MALT1: variants seen among roughly 807,000 people sequenced by gnomAD.
The protein encoded by MALT1 is mucosa-associated lymphoid tissue lymphoma translocation protein 1.
Under a neutral mutation model 85.5 loss-of-function variants are expected in MALT1, and 36 were observed. The ratio of observed to expected loss-of-function variants is 0.42; its 90% confidence interval spans 0.32 to 0.56. MALT1 has a LOEUF of 0.56. MALT1 is among the 20% of genes least tolerant of loss of function. The pLI, the probability that MALT1 is intolerant of heterozygous loss-of-function variation, is 0.10. For missense variants in MALT1, 716 were observed against 981.6 expected (o/e 0.73, Z 3.62); for synonymous variants, 359 against 361.3 (o/e 0.99, Z 0.07).
At chr18:58,727,837 G>C (rs2055086330) in intron 10 of MALT1, among the ~76,000 whole-genome samples, 1 of 152,096 alleles carries the variant, frequency 6.6e-6, no homozygotes, top group African/African-American at 2.4e-5. Flanking sequence ...AGGCATTTCA[G>C]TTTGGGTGAG....
chr18:58,738,481 A>G (rs924169679), intron 13 of MALT1, among the ~76,000 whole-genome samples: 1 of 152,206 alleles, frequency 6.6e-6, no homozygotes, highest in African/African-American at 2.4e-5. Flanking sequence ...ATATGTATGC[A>G]TGAATTTCTT....
chr18:58,742,535 C>T (rs894003262), intron 14 of MALT1, among the ~76,000 whole-genome samples: 1 of 152,052 alleles, frequency 6.6e-6, no homozygotes, highest in Admixed American at 6.5e-5. Context: ...GGCAAAACCT[C>T]GTCTCTACTA....
chr18:58,706,975 A>T (rs947907844), intron 4 of MALT1, among the ~76,000 whole-genome samples: 1 of 152,086 alleles, frequency 6.6e-6, no homozygotes, highest in East Asian at 1.9e-4. Context: ...ACTCTTAATT[A>T]TATGTATGTT....
At chr18:58,727,771 C>T (rs1273077325) in intron 10 of MALT1, among the ~76,000 whole-genome samples, 2 of 152,194 alleles carry the variant, frequency 1.3e-5, no homozygotes, top group East Asian at 3.9e-4. Flanking sequence ...GAGACAGTAT[C>T]ATATAGCACA....
chr18:58,737,829 G>A (rs1250381674), intron 13 of MALT1, among the ~76,000 whole-genome samples: 3 of 151,944 alleles, frequency 2.0e-5, no homozygotes, highest in Admixed American at 6.6e-5. Context: ...GTGATCCACC[G>A]GCCTCAGCCT....
At chr18:58,698,527 A>G (rs2054627680) in intron 3 of MALT1, among the ~76,000 whole-genome samples, 1 of 152,196 alleles carries the variant, frequency 6.6e-6, no homozygotes, top group Non-Finnish European at 1.5e-5. Context: ...GAGAGAGTCA[A>G]CTAAGCTGAC....
At chr18:58,680,501 A>T (rs1296533965) in intron 1 of MALT1, among the ~76,000 whole-genome samples, 2 of 152,058 alleles carry the variant, frequency 1.3e-5, no homozygotes, top group African/African-American at 4.8e-5. Flanking sequence ...TATCCGCTTC[A>T]TTTGGGGTCA....
At chr18:58,684,604 G>A (rs1253696453) in intron 2 of MALT1, among the ~76,000 whole-genome samples, 14 of 151,782 alleles carry the variant, frequency 9.2e-5, no homozygotes, top group Admixed American at 6.6e-4. Flanking sequence ...GTGCCACCAC[G>A]CCCAGCTAAT....
intron 1 of MALT1, among the ~76,000 whole-genome samples, chr18:58,678,478 CAT>C (rs1207750920): frequency 6.6e-6 from 1 of 151,994 alleles, no homozygotes; most frequent in African/African-American, 2.4e-5. Flanking sequence ...TATACACACA[CAT>C]ATATGTTTAA....
At chr18:58,692,437 ACTCTCTCC>A (rs1568129437) in intron 2 of MALT1, among the ~76,000 whole-genome samples, 5 of 41,724 alleles carry the variant, frequency 1.2e-4, no homozygotes, top group Non-Finnish European at 2.0e-4. Context: ...TCTCTCTCTC[ACTCTCTCC>A]CTCCCTCCCT....
chr18:58,690,194 C>T (rs1412976482), intron 2 of MALT1, among the ~76,000 whole-genome samples: 6 of 152,190 alleles, frequency 3.9e-5, no homozygotes, highest in South Asian at 2.1e-4. Flanking sequence ...TACAATATTT[C>T]GAACTTTTTC....
intron 13 of MALT1, 70 bp downstream of exon 13, chr18:58,735,399 C>A: frequency 6.7e-7 from 1 of 1,490,804 alleles, no homozygotes; most frequent in African/African-American, 1.4e-5. Flanking sequence ...ATTCAGGGTT[C>A]CCTCTCTGGT....
In MALT1 at chr18:58,747,802, C is replaced by T. The variant is rs1313931420; in HGVS notation, c.2435C>T (p.Pro812Leu). Residue 812 changes from proline (P) to leucine (L), a missense_variant, in exon 17 of 17, where the codon CCA becomes CTA. This residue lies in a region of MALT1 where 260 missense variants were observed against 323.7 expected (regional missense o/e 0.80). Coordinates refer to ENST00000649217, the MANE Select transcript of MALT1 (RefSeq NM_006785.4). ...CCAGTAGAGACAACTGATGAAATAC[C>T]ATTTAGTTTCTCTGACAGGCTCAGA... ...NVPVETTDEIPFSFSDRLRIS... is the reference protein window; with the variant it reads ...NVPVETTDEILFSFSDRLRIS... 32 of 1,613,830 alleles carry T rather than the reference C, an allele frequency of 2.0e-5. No homozygotes were observed. In the Middle Eastern group the frequency reaches 2.8e-3, roughly 141 times the overall value.
At chr18:58,735,745 CTT>C (rs1304794366) in intron 13 of MALT1, among the ~76,000 whole-genome samples, 1 of 152,068 alleles carries the variant, frequency 6.6e-6, no homozygotes, top group Admixed American at 6.6e-5. Flanking sequence ...AGAGAGAAAA[CTT>C]TACAGAAATT....
At chr18:58,698,426 G>A (rs1420142362) in intron 3 of MALT1, among the ~76,000 whole-genome samples, 1 of 152,204 alleles carries the variant, frequency 6.6e-6, no homozygotes, top group Admixed American at 6.5e-5. Flanking sequence ...AGCAAGGTGA[G>A]CAGTTGTCTT....
chr18:58,720,278 C>T (rs1188120228), intron 9 of MALT1, among the ~76,000 whole-genome samples: 1 of 152,110 alleles, frequency 6.6e-6, no homozygotes, highest in East Asian at 1.9e-4. Context: ...TTTCTTTATT[C>T]CTCACTCTTA....
chr18:58,701,019 C>T (rs1462756731), intron 4 of MALT1, among the ~76,000 whole-genome samples: 1 of 152,056 alleles, frequency 6.6e-6, no homozygotes, highest in Non-Finnish European at 1.5e-5. Context: ...TCTTGAACTC[C>T]CGACCTCAGG....
chr18:58,731,042 C>T (rs1344067998), intron 10 of MALT1, among the ~76,000 whole-genome samples: 1 of 152,136 alleles, frequency 6.6e-6, no homozygotes, highest in Non-Finnish European at 1.5e-5. Context: ...ACCTCTGCCT[C>T]CCAGGTTCAA....
At chr18:58,723,660 C>T (rs1412476673) in intron 10 of MALT1, among the ~76,000 whole-genome samples, 2 of 152,060 alleles carry the variant, frequency 1.3e-5, no homozygotes, top group Admixed American at 1.3e-4. Context: ...TGTATGTTTC[C>T]TTTTCCTAAC....
Sources: gnomAD v4.1 joint callset for allele counts (sites outside exome capture counted in the v4.1 genomes callset) on GRCh38, gnomAD v4.1.1 for gene constraint, gnomAD v4.1.1 regional missense constraint, MANE v1.5 for transcripts, NCBI Gene and HGNC (gene_info 2026-07-23, HGNC 2026-07-21) for gene names.